GULP1: variants seen among roughly 807,000 people sequenced by gnomAD.
The protein encoded by GULP1 is GULP PTB domain containing engulfment adaptor 1, also known as PTB domain-containing engulfment adapter protein 1.
Under a neutral mutation model 40.9 loss-of-function variants are expected in GULP1, and 19 were observed. The ratio of observed to expected loss-of-function variants is 0.46; its 90% CI spans 0.32 to 0.68. The LOEUF is 0.68. GULP1 is among the 30% of genes least tolerant of loss of function. GULP1 has a pLI of 0.03. For missense variants in GULP1, 312 were observed against 362.2 expected (o/e 0.86, Z 1.12); for synonymous variants, 119 against 117.6 (o/e 1.01, Z -0.08).
chr2:188,519,461 T>G (rs2065508395), intron 4 of GULP1, among the ~76,000 whole-genome samples: 1 of 152,226 alleles, frequency 6.6e-6, no homozygotes, highest in South Asian at 2.1e-4. Flanking sequence ...CCTTCCTTCT[T>G]CTAGTTCAAT....
chr2:188,320,932 A>G (rs12987018), intron 1 of GULP1, among the ~76,000 whole-genome samples: 22,666 of 150,978 alleles, frequency 0.15, 1,847 homozygotes, highest in African/African-American at 0.17. Flanking sequence ...AAAAACACCT[A>G]CAAAAGGAAA....
chr2:188,320,132 A>C (rs2039751623), intron 1 of GULP1, among the ~76,000 whole-genome samples: 1 of 152,126 alleles, frequency 6.6e-6, no homozygotes, highest in Non-Finnish European at 1.5e-5. Context: ...GTTGGTGCCA[A>C]ATGTCCGCTG....
At chr2:188,470,109 T>C (rs2060465921) in intron 2 of GULP1, among the ~76,000 whole-genome samples, 1 of 152,182 alleles carries the variant, frequency 6.6e-6, no homozygotes, top group South Asian at 2.1e-4. Flanking sequence ...CTCCTCTATT[T>C]TTTGGAATAC....
intron 1 of GULP1, among the ~76,000 whole-genome samples, chr2:188,372,967 G>A (rs1226158199): frequency 1.3e-5 from 2 of 151,930 alleles, no homozygotes; most frequent in African/African-American, 2.4e-5. Flanking sequence ...CCAAGAATAG[G>A]CTGAAGAGAA....
chr2:188,463,457 C>G (rs558919108), intron 2 of GULP1, among the ~76,000 whole-genome samples: 1 of 152,176 alleles, frequency 6.6e-6, no homozygotes, highest in Admixed American at 6.5e-5. Flanking sequence ...TTATCCTTGA[C>G]CTTTGGGAGT....
At chr2:188,505,426 G>A (rs1372522764) in intron 4 of GULP1, among the ~76,000 whole-genome samples, 1 of 151,562 alleles carries the variant, frequency 6.6e-6, no homozygotes, top group Non-Finnish European at 1.5e-5. Flanking sequence ...ATTTTGTAAC[G>A]CTTGGTTCAT....
chr2:188,472,183 T>A (rs1290121258), intron 2 of GULP1, among the ~76,000 whole-genome samples: 1 of 152,184 alleles, frequency 6.6e-6, no homozygotes, highest in Non-Finnish European at 1.5e-5. Context: ...TCCTTTCTTT[T>A]GTTGATTTTA....
chr2:188,460,112 C>T (rs1575402420), intron 2 of GULP1, among the ~76,000 whole-genome samples: 1 of 151,958 alleles, frequency 6.6e-6, no homozygotes, highest in Non-Finnish European at 1.5e-5. Flanking sequence ...CTTAGGATAG[C>T]TTTGGCTACT....
At chr2:188,373,378 A>C (rs1243900684) in intron 1 of GULP1, among the ~76,000 whole-genome samples, 2 of 151,894 alleles carry the variant, frequency 1.3e-5, no homozygotes, top group Non-Finnish European at 2.9e-5. Flanking sequence ...TTGGTTCTTT[A>C]TATTTTGGTT....
At chr2:188,514,761 A>T (rs930369646) in intron 4 of GULP1, among the ~76,000 whole-genome samples, 1 of 152,230 alleles carries the variant, frequency 6.6e-6, no homozygotes, top group Non-Finnish European at 1.5e-5. Context: ...AGAGACTGTC[A>T]ATGAAATATT....
chr2:188,496,632 T>A (rs1336352700), intron 4 of GULP1, among the ~76,000 whole-genome samples: 1 of 151,896 alleles, frequency 6.6e-6, no homozygotes, highest in Non-Finnish European at 1.5e-5. Context: ...TTACAGATGG[T>A]TTTATATGCT....
At chr2:188,296,493 T>G (rs921713523) in intron 1 of GULP1, among the ~76,000 whole-genome samples, 1 of 152,200 alleles carries the variant, frequency 6.6e-6, no homozygotes, top group Admixed American at 6.5e-5. Context: ...TGTGGGATAG[T>G]AAGTGTCAAT....
intron 2 of GULP1, among the ~76,000 whole-genome samples, chr2:188,402,688 T>A (rs966488999): frequency 3.9e-5 from 6 of 152,078 alleles, no homozygotes; most frequent in Non-Finnish European, 7.4e-5. Flanking sequence ...AAACTTGGCC[T>A]TCCTCTAGAC....
intron 6 of GULP1, among the ~76,000 whole-genome samples, chr2:188,536,412 T>A (rs2153276269): frequency 6.6e-6 from 1 of 152,182 alleles, no homozygotes; most frequent in South Asian, 2.1e-4. Context: ...TCTGGCTAGC[T>A]AGGTATCCCA....
At chr2:188,370,534 T>C (rs895285077) in intron 1 of GULP1, among the ~76,000 whole-genome samples, 2 of 152,212 alleles carry the variant, frequency 1.3e-5, no homozygotes, top group Non-Finnish European at 2.9e-5. Flanking sequence ...TGTCATTTAC[T>C]AACTACTTTA....
At chr2:188,326,048 A>T (rs935704102) in intron 1 of GULP1, among the ~76,000 whole-genome samples, 9 of 152,140 alleles carry the variant, frequency 5.9e-5, no homozygotes, top group Non-Finnish European at 5.9e-5. Flanking sequence ...CTACTATACC[A>T]GAGTGGGTTT....
chr2:188,468,102 T>C (rs1215379224), intron 2 of GULP1, among the ~76,000 whole-genome samples: 3 of 152,228 alleles, frequency 2.0e-5, no homozygotes, highest in Non-Finnish European at 1.5e-5. Flanking sequence ...AATTGTTCAC[T>C]AATTTTTATT....
intron 2 of GULP1, among the ~76,000 whole-genome samples, chr2:188,456,238 A>G (rs975081239): frequency 2.0e-5 from 3 of 152,150 alleles, no homozygotes; most frequent in Non-Finnish European, 4.4e-5. Flanking sequence ...AAGAATGTTA[A>G]TCACCAAGAC....
At chr2:188,352,944 A>G (rs185196473) in intron 1 of GULP1, among the ~76,000 whole-genome samples, 2 of 152,228 alleles carry the variant, frequency 1.3e-5, no homozygotes, top group East Asian at 3.9e-4. Context: ...TTTATAATAT[A>G]TTTCTACTTT....
Sources: allele counts gnomAD v4.1 joint callset (sites outside exome capture counted in the v4.1 genomes callset), GRCh38; gene constraint gnomAD v4.1.1; transcripts MANE v1.5; gene names NCBI Gene and HGNC (gene_info 2026-07-23, HGNC 2026-07-21).